Variants in NADK2 observed in about 807,000 individuals in gnomAD.
The protein encoded by NADK2 is NAD kinase 2, mitochondrial, also known as NAD kinase domain-containing protein 1, mitochondrial.
NADK2 carries 35 observed loss-of-function variants against 62.1 expected under a neutral mutation model. That is an observed-to-expected ratio of 0.56 (90% CI 0.43 to 0.75). NADK2 has a LOEUF of 0.75. NADK2 is among the 30% of genes least tolerant of loss of function. NADK2 has a pLI of 0.00. For synonymous variants in NADK2, 205 were observed against 207.9 expected (o/e 0.99, Z 0.12); for missense variants, 439 against 561.3 (o/e 0.78, Z 2.20).
At position 36,217,822 on chromosome 5, in the gene NADK2, A is replaced by G; in HGVS notation, c.707T>C (p.Val236Ala). The G allele has an allele frequency of 6.2e-7, 1 of 1,614,016 alleles. No homozygotes were observed. The highest frequency in any genetic ancestry group is 2.2e-5 in the East Asian group (1 of 44,866). Residue 236 changes from valine (V) to alanine (A), a missense_variant, in exon 6 of 12, where the codon GTG (valine) becomes GCG (alanine). Val to Ala is a moderately conservative substitution (Grantham distance 64). Coordinates refer to ENST00000381937, the MANE Select transcript of NADK2 (RefSeq NM_001085411.3). ...LEGTGINPVP[V>A]DLHEQQLSLN... Reference sequence around the variant, plus strand: ...GCTTAGCTGCTGCTCGTGAAGGTCCACAGGTACAGGGTTTATGCCAGTCCC... The same window carrying G: ...GCTTAGCTGCTGCTCGTGAAGGTCCGCAGGTACAGGGTTTATGCCAGTCCC...
rs1362034619 is a variant in NADK2 at position 36,241,892 on chromosome 5, C to CA, written c.-95_-94insT. On this transcript the variant is annotated 5_prime_UTR_variant, in exon 1 of 12. The change creates a new upstream start codon in the 5' untranslated region. Transcript: ENST00000381937. The surrounding 1 kb of genome is among the most constrained non-coding windows in gnomAD (Gnocchi z 4.9). The stretch of plus-strand genomic sequence containing the variant: ...CGCGCCGTCCGCGCCGCCCGGGCCT[C>CA]TAACTTCGCGCCGGACGGGCAGAGG... 3.0e-6 allele frequency: 3 copies of CA among 1,001,288 alleles called. No individual in the cohort carries two copies. The African/African-American group carries it at 5.2e-5, about 17-fold the overall frequency. 62.0% of individuals were successfully genotyped at this position (1,001,288 alleles called of 1,614,324 possible).
chr5:36,195,225 A>C lies in NADK2; in HGVS notation c.1248T>G (p.Ser416=), dbSNP rs779969036. Residue 416 remains serine (S), a synonymous_variant, in exon 12 of 12, where the codon TCT becomes TCG. Coordinates refer to ENST00000381937, the MANE Select transcript of NADK2 (RefSeq NM_001085411.3). The part of the protein sequence containing the change: ...DACMVVDGGT[S]FEFNDGAIAS... Reference sequence around the variant, plus strand: ...CAATTGCACCATCATTAAACTCAAAAGAAGTTCCTCCATCCACAACCATAC... The same window carrying C: ...CAATTGCACCATCATTAAACTCAAACGAAGTTCCTCCATCCACAACCATAC... The C allele has an allele frequency of 1.9e-6, 3 of 1,613,564 alleles. No homozygotes were observed. In the Admixed American group the frequency reaches 5.0e-5, roughly 27 times the overall value.
At chr5:36,211,990 T>G (rs1746865857) in intron 6 of NADK2, 68 bp from the exon 7 acceptor site, 4 of 1,172,806 alleles carry the variant, frequency 3.4e-6, no homozygotes, top group African/African-American at 1.5e-5. Flanking sequence ...TATAAAAATT[T>G]TATAAAACAC....
chr5:36,206,035 T>A (rs1021087313), intron 8 of NADK2, among the ~76,000 whole-genome samples: 2 of 151,930 alleles, frequency 1.3e-5, no homozygotes, highest in African/African-American at 4.8e-5. Flanking sequence ...CAGCAAAATA[T>A]CTCAAGGACA....
chr5:36,217,856 A>T lies in NADK2; in HGVS notation c.673T>A (p.Tyr225Asn). Reference sequence around the variant, plus strand: ...GGGTTTATGCCAGTCCCTTCAAGGTATAACCTGATTCTCTGCCTCCACAAC... The same window carrying T: ...GGGTTTATGCCAGTCCCTTCAAGGTTTAACCTGATTCTCTGCCTCCACAAC... ...RWLWRQRIRL[Y>N]LEGTGINPVP... Residue 225 changes from tyrosine to asparagine, a missense_variant, in exon 6 of 12, where the codon TAC becomes AAC. Tyr to Asn is a moderately radical substitution (Grantham distance 143, BLOSUM62 -2). Coordinates refer to ENST00000381937, the MANE Select transcript of NADK2 (RefSeq NM_001085411.3). 6.2e-7 allele frequency: 1 copy of T among 1,613,700 alleles called. No individual in the cohort carries two copies. The highest frequency in any genetic ancestry group is 8.5e-7 in the Non-Finnish European group (1 of 1,179,708).
intron 7 of NADK2, among the ~76,000 whole-genome samples, chr5:36,207,983 T>C (rs1032298606): frequency 3.3e-5 from 5 of 152,142 alleles, no homozygotes; most frequent in Non-Finnish European, 7.4e-5. Context: ...TTCAAAGAAC[T>C]TTTGCAATGT....
chr5:36,241,870 G>T lies in NADK2; in HGVS notation c.-72C>A. ...CAGCTCCCTACCGCCGGGAGTGCGCGCCGTCCGCGCCGCCCGGGCCTCTAA... is the reference window on the plus strand; with the variant it reads ...CAGCTCCCTACCGCCGGGAGTGCGCTCCGTCCGCGCCGCCCGGGCCTCTAA... On this transcript the variant is annotated 5_prime_UTR_variant, in exon 1 of 12. Coordinates refer to ENST00000381937, the MANE Select transcript of NADK2 (RefSeq NM_001085411.3). This position sits in a 1 kb window ranked among gnomAD's most constrained non-coding sequence, Gnocchi z 4.9. The T allele has an allele frequency of 9.0e-7, 1 of 1,114,388 alleles. No homozygotes were observed. Among genetic ancestry groups the T allele is most frequent in the Non-Finnish European group, 1.1e-6 (1 of 908,052 alleles). The allele number at this position is 1,114,388 out of a possible 1,614,324, so 69.0% of individuals were successfully genotyped here.
intron 1 of NADK2, among the ~76,000 whole-genome samples, chr5:36,238,905 TA>T (rs905569118): frequency 7.9e-5 from 12 of 152,200 alleles, no homozygotes; most frequent in Non-Finnish European, 1.3e-4. Flanking sequence ...CCTTATCAAC[TA>T]AAAAATATTT....
chr5:36,210,405 G>A (rs1223623434), intron 7 of NADK2, among the ~76,000 whole-genome samples: 1 of 152,072 alleles, frequency 6.6e-6, no homozygotes, highest in Non-Finnish European at 1.5e-5. Flanking sequence ...CTCCTAATGA[G>A]GAACTACATT....
chr5:36,207,253 A>G lies in NADK2; in HGVS notation c.873T>C (p.Tyr291=). 6.3e-7 allele frequency: 1 copy of G among 1,594,120 alleles called. No homozygotes were observed. The highest frequency in any genetic ancestry group is 1.7e-5 in the Admixed American group (1 of 59,844). ...ATGGACCATCATCAACTGAAATCTC[A>G]TAGTAGGAAGCCCTGTGAATTGAGA... ...GESLSSRASY[Y]EISVDDGPWE... The change falls in exon 8 of 12, where the codon TAT becomes TAC. Residue 291 remains tyrosine, a synonymous_variant. Transcript: ENST00000381937.
chr5:36,224,880 C>A (rs1163987793), intron 4 of NADK2, among the ~76,000 whole-genome samples: 1 of 152,056 alleles, frequency 6.6e-6, no homozygotes, highest in Non-Finnish European at 1.5e-5. Flanking sequence ...TTTTATTGGT[C>A]TTTTTATTAA....
intron 3 of NADK2, 60 bp from the exon 4 acceptor site, chr5:36,225,683 T>C: frequency 6.5e-7 from 1 of 1,530,000 alleles, no homozygotes. Context: ...ATCTAGTTTT[T>C]GGCCATTTTG....
intron 1 of NADK2, among the ~76,000 whole-genome samples, chr5:36,240,943 C>A (rs1000097524): frequency 6.6e-6 from 1 of 152,230 alleles, no homozygotes; most frequent in Non-Finnish European, 1.5e-5. Context: ...AAAAGGCTCA[C>A]GCTGAAGGAC....
Position 36,211,837 on chromosome 5 carries a change from A to G in NADK2, c.860+7T>C, listed in dbSNP as rs1746857498. 1 of 1,609,194 alleles carries G rather than the reference A, an allele frequency of 6.2e-7. No homozygotes were observed. Among genetic ancestry groups the G allele is most frequent in the Non-Finnish European group, 8.5e-7 (1 of 1,176,932 alleles). On this transcript the variant is annotated splice_region_variant and intron_variant, in intron 7 of 11. Transcript: ENST00000381937. ...TTCCATGCTCAAGATCACAGGTTTA[A>G]AAGTACCTGGATGACAGACTCTCCC...
intron 6 of NADK2, chr5:36,213,268 C>T (rs918926613): frequency 6.6e-6 from 1 of 152,070 alleles, no homozygotes; most frequent in Non-Finnish European, 1.5e-5. Flanking sequence ...ATTTAAGATG[C>T]TAAACTGAGT....
At chr5:36,241,932 G>C (rs749346886), upstream of NADK2, 26 of 732,038 alleles carry the variant, frequency 3.6e-5, no homozygotes, top group Non-Finnish European at 4.4e-5. This position sits in a 1 kb window ranked among gnomAD's most constrained non-coding sequence, Gnocchi z 4.9. Context: ...GTGCCAGGAC[G>C]TGCGTGGCCC....
chr5:36,224,243 A>T (rs1747391442), intron 4 of NADK2, among the ~76,000 whole-genome samples: 1 of 152,176 alleles, frequency 6.6e-6, no homozygotes, highest in Admixed American at 6.5e-5. Flanking sequence ...CTGATGCAGA[A>T]GTAGAAAGGA....
intron 7 of NADK2, chr5:36,208,780 A>T: frequency 1.2e-6 from 1 of 808,282 alleles, no homozygotes; most frequent in Non-Finnish European, 2.0e-6. Flanking sequence ...GGCAGGAATA[A>T]TATTGCTGCA....
chr5:36,211,844 C>G lies in NADK2; in HGVS notation c.860G>C (p.Arg287Thr), dbSNP rs1419884674. 1 of 1,611,406 alleles carries G rather than the reference C, an allele frequency of 6.2e-7. No individual in the cohort carries two copies. Among genetic ancestry groups the G allele is most frequent in the Non-Finnish European group, 8.5e-7 (1 of 1,178,490 alleles). Residue 287 changes from arginine (R) to threonine (T), a missense_variant and splice_region_variant, in exon 7 of 12, where the codon AGG (arginine) becomes ACG (threonine). Arg to Thr is a moderately conservative substitution (Grantham distance 71, BLOSUM62 -1). Transcript: ENST00000381937. ...EVFIGESLSS[R>T]ASYYEISVDD... ...CTCAAGATCACAGGTTTAAAAGTACCTGGATGACAGACTCTCCCCAATGAA... is the reference window on the plus strand; with the variant it reads ...CTCAAGATCACAGGTTTAAAAGTACGTGGATGACAGACTCTCCCCAATGAA...
Sources: gnomAD v4.1 joint callset for allele counts (sites outside exome capture counted in the v4.1 genomes callset) on GRCh38, gnomAD v4.1.1 for gene constraint, Gnocchi (gnomAD v3.1) non-coding constraint, MANE v1.5 for transcripts, NCBI Gene and HGNC (gene_info 2026-07-23, HGNC 2026-07-21) for gene names.